CHST9: variants seen among roughly 807,000 people sequenced by gnomAD.
The protein encoded by CHST9 is GalNAc-4-sulfotransferase 2.
Under a neutral mutation model 44.4 loss-of-function variants are expected in CHST9, and 41 were observed. The observed-to-expected ratio is 0.92, with a 90% CI of 0.72 to 1.20. The LOEUF (loss-of-function observed/expected upper bound fraction) is 1.20. Ranked by LOEUF, CHST9 falls within the 50% of genes most tolerant of loss-of-function variation. The probability of loss-of-function intolerance (pLI) is 0.00; values close to 1 mark genes in which losing one functional copy is unlikely to be tolerated. For missense variants in CHST9, 504 were observed against 516.5 expected, an observed-to-expected ratio of 0.98 and a Z score of 0.23; for synonymous variants, 171 against 178.4, an observed-to-expected ratio of 0.96 and a Z score of 0.33.
At chr18:26,981,148 G>A (rs435127) in intron 4 of CHST9, among the ~76,000 whole-genome samples, 1 of 152,154 alleles carries the variant, frequency 6.6e-6, no homozygotes, top group Non-Finnish European at 1.5e-5. Flanking sequence ...TGGGAAATTA[G>A]AATTGGTTAC....
chr18:27,146,357 GA>G, intron 1 of CHST9, among the ~76,000 whole-genome samples: 1 of 152,266 alleles, frequency 6.6e-6, no homozygotes, highest in East Asian at 1.9e-4. Context: ...AGATATGTTT[GA>G]TTTTCTCCCA....
intron 4 of CHST9, among the ~76,000 whole-genome samples, chr18:26,945,037 GTATGTCTT>G (rs2056141966): frequency 6.6e-6 from 1 of 152,078 alleles, no homozygotes; most frequent in Non-Finnish European, 1.5e-5. Context: ...TCAACGTTAT[GTATGTCTT>G]AAGTAGAGGA....
intron 4 of CHST9, among the ~76,000 whole-genome samples, chr18:26,987,653 G>T (rs1002184419): frequency 6.6e-5 from 10 of 152,132 alleles, no homozygotes; most frequent in African/African-American, 2.4e-4. Flanking sequence ...ATCTGAATGT[G>T]TCCCCCCATC....
chr18:26,947,592 G>T (rs547327268), intron 4 of CHST9, among the ~76,000 whole-genome samples: 1 of 152,248 alleles, frequency 6.6e-6, no homozygotes, highest in East Asian at 1.9e-4. Context: ...AGTGGGCAAA[G>T]GATATGAACA....
chr18:27,019,349 A>T (rs1441742380), intron 4 of CHST9, among the ~76,000 whole-genome samples: 2 of 152,184 alleles, frequency 1.3e-5, no homozygotes, highest in Non-Finnish European at 2.9e-5. Flanking sequence ...ATCAATATGT[A>T]AAAAGGTATT....
chr18:26,996,770 G>A (rs2056892882), intron 4 of CHST9, among the ~76,000 whole-genome samples: 1 of 152,282 alleles, frequency 6.6e-6, no homozygotes, highest in East Asian at 1.9e-4. Context: ...GCATGGCTGT[G>A]TGCATGTATG....
chr18:26,955,134 G>A (rs1020093247), intron 4 of CHST9, among the ~76,000 whole-genome samples: 2 of 151,466 alleles, frequency 1.3e-5, no homozygotes, highest in African/African-American at 4.9e-5. Context: ...CAAATGCTTT[G>A]TTTGTGATAG....
intron 2 of CHST9, among the ~76,000 whole-genome samples, chr18:27,052,278 G>GTA (rs961489655): frequency 8.7e-5 from 6 of 68,592 alleles, no homozygotes; most frequent in Admixed American, 5.8e-4. Context: ...GTATATATAT[G>GTA]TATATATATG....
intron 2 of CHST9, among the ~76,000 whole-genome samples, chr18:27,059,695 G>C (rs1428842218): frequency 6.6e-6 from 1 of 152,180 alleles, no homozygotes; most frequent in Admixed American, 6.5e-5. Context: ...CATCTCATTA[G>C]CTTGTGGAGA....
At chr18:27,050,854 GC>G (rs2143569715) in intron 2 of CHST9, among the ~76,000 whole-genome samples, 1 of 152,262 alleles carries the variant, frequency 6.6e-6, no homozygotes, top group East Asian at 1.9e-4. Context: ...GGTATTCAAG[GC>G]TTGAATTGTA....
intron 1 of CHST9, among the ~76,000 whole-genome samples, chr18:27,149,270 C>T (rs2058640295): frequency 1.3e-5 from 2 of 151,458 alleles, no homozygotes; most frequent in Admixed American, 1.3e-4. Context: ...AATTAGATCC[C>T]ATTTGTCAAT....
intron 1 of CHST9, among the ~76,000 whole-genome samples, chr18:27,180,782 T>C (rs2058905817): frequency 6.6e-6 from 1 of 152,186 alleles, no homozygotes; most frequent in Non-Finnish European, 1.5e-5. Flanking sequence ...TTTCCAGCTC[T>C]ATTAAAAAAT....
chr18:26,923,871 A>C (rs1369503507), intron 5 of CHST9, among the ~76,000 whole-genome samples: 1 of 152,166 alleles, frequency 6.6e-6, no homozygotes, highest in Admixed American at 6.5e-5. Context: ...AAGGGAGGTG[A>C]TGCCTGAGAT....
chr18:26,916,267 A>G lies in CHST9; in HGVS notation c.1324T>C (p.Phe442Leu), dbSNP rs1239172884. ...TAGAAAATGAATGCAAACTACAAAA[A>G]TGGAGTTGTATAATTAAACATTAAA... ...DYLMFNYTTPFL is the reference protein window; with the variant it reads ...DYLMFNYTTPLL Residue 442 changes from phenylalanine to leucine, a missense_variant, in exon 6 of 6, where the codon TTT (phenylalanine) becomes CTT (leucine). Transcript: ENST00000618847. 3 of 1,550,224 alleles carry G rather than the reference A, an allele frequency of 1.9e-6. No individual in the cohort carries two copies. The highest frequency in any genetic ancestry group is 2.7e-6 in the Non-Finnish European group (3 of 1,130,744).
chr18:27,096,609 A>C (rs969155642), intron 2 of CHST9, among the ~76,000 whole-genome samples: 1 of 151,978 alleles, frequency 6.6e-6, no homozygotes, highest in Non-Finnish European at 1.5e-5. Flanking sequence ...CATTACAACC[A>C]ATCCCACAGA....
intron 2 of CHST9, among the ~76,000 whole-genome samples, chr18:27,135,708 C>A (rs1223813341): frequency 6.6e-6 from 1 of 152,162 alleles, no homozygotes; most frequent in African/African-American, 2.4e-5. Flanking sequence ...GGCCAGGAAC[C>A]AAAATCAACA....
At chr18:27,167,810 T>A (rs2058802473) in intron 1 of CHST9, among the ~76,000 whole-genome samples, 1 of 152,098 alleles carries the variant, frequency 6.6e-6, no homozygotes. Context: ...ATGGGAAGGA[T>A]CTAATCATGT....
intron 4 of CHST9, among the ~76,000 whole-genome samples, chr18:26,955,224 G>GTTT (rs10573820): frequency 5.1e-5 from 7 of 138,444 alleles, no homozygotes; most frequent in Non-Finnish European, 4.7e-5. Flanking sequence ...CCAGAATTCT[G>GTTT]TTTTTTTTTT....
At chr18:27,159,388 T>G (rs1352508345) in intron 1 of CHST9, among the ~76,000 whole-genome samples, 1 of 152,228 alleles carries the variant, frequency 6.6e-6, no homozygotes, top group Non-Finnish European at 1.5e-5. Flanking sequence ...TTTCTTGTTT[T>G]TGTCAGGTTT....
Sources: allele counts gnomAD v4.1 joint callset (sites outside exome capture counted in the v4.1 genomes callset), GRCh38; gene constraint gnomAD v4.1.1; transcripts MANE v1.5; gene names NCBI Gene and HGNC (gene_info 2026-07-23, HGNC 2026-07-21).